Variants in HIVEP2 observed in about 807,000 individuals in gnomAD.
HIVEP2 encodes the protein transcription factor HIVEP2.
HIVEP2 carries 14 observed loss-of-function variants against 180.7 expected under a neutral mutation model. That is an observed-to-expected ratio of 0.08 (90% CI 0.05 to 0.12). The LOEUF (loss-of-function observed/expected upper bound fraction) is 0.12, where lower values mean the gene tolerates loss of function less well. Among genes scored for constraint, HIVEP2 ranks in the 10% least tolerant of loss-of-function variants. The pLI is 1.00. For synonymous variants in HIVEP2, 1,184 were observed against 1,136.4 expected, an observed-to-expected ratio of 1.04 and a Z score of -0.84; for missense variants, 2,579 against 3,008.5, an observed-to-expected ratio of 0.86 and a Z score of 3.34.
chr6:142,944,973 G>C (rs73588434), intron 1 of HIVEP2, 126 bp downstream of exon 1: 31 of 151,418 alleles, frequency 2.0e-4, no homozygotes, highest in African/African-American at 7.5e-4. Flanking sequence ...GGTAAAGGGA[G>C]TCACTGAAAT....
chr6:142,828,055 C>T (rs1302971065), intron 2 of HIVEP2, among the ~76,000 whole-genome samples: 1 of 152,150 alleles, frequency 6.6e-6, no homozygotes, highest in Non-Finnish European at 1.5e-5. Context: ...TCTTAAATTG[C>T]CAAATCCATT....
chr6:142,889,110 C>T (rs577209641), intron 1 of HIVEP2, among the ~76,000 whole-genome samples: 1 of 152,184 alleles, frequency 6.6e-6, no homozygotes, highest in Non-Finnish European at 1.5e-5. Flanking sequence ...CTCCAGCTCT[C>T]AGCAGAGTAC....
chr6:142,785,689 A>C (rs1373013769), intron 2 of HIVEP2, among the ~76,000 whole-genome samples: 1 of 152,194 alleles, frequency 6.6e-6, no homozygotes, highest in Non-Finnish European at 1.5e-5. Context: ...CTTACTTTCT[A>C]AGATGATGGC....
chr6:142,901,061 C>A (rs977470237), intron 1 of HIVEP2, among the ~76,000 whole-genome samples: 8 of 152,154 alleles, frequency 5.3e-5, no homozygotes, highest in African/African-American at 1.9e-4. Flanking sequence ...TCGTATTCTG[C>A]GTGAACTCTA....
intron 2 of HIVEP2, among the ~76,000 whole-genome samples, chr6:142,791,873 G>A (rs1776145909): frequency 1.3e-5 from 2 of 152,272 alleles, no homozygotes; most frequent in South Asian, 2.1e-4. Flanking sequence ...GAAAACATAT[G>A]AACAACGAGC....
chr6:142,753,428 C>A lies in HIVEP2; in HGVS notation c.7020G>T (p.Thr2340=), dbSNP rs778206851. The part of the protein sequence containing the change: ...TKAIASLRIA[T]EEAALLGPDQ... ...CTGGCCCGAGCAGAGCTGCCTCTTC[C>A]GTGGCAATCCGGAGAGAGGCAATGG... Residue 2340 remains threonine, a synonymous_variant, in exon 10 of 10, where the codon ACG becomes ACT. Transcript: ENST00000367603. 1.9e-6 allele frequency: 3 copies of A among 1,613,846 alleles called. No individual in the cohort carries two copies. The highest frequency in any genetic ancestry group is 3.3e-5 in the Admixed American group (2 of 60,006).
chr6:142,818,723 A>G (rs1359607128), intron 2 of HIVEP2, among the ~76,000 whole-genome samples: 2,974 of 106,784 alleles, frequency 0.028, 67 homozygotes, highest in Non-Finnish European at 0.035. Context: ...AAGAAAGAAA[A>G]GAAAGAAAGA....
At chr6:142,899,754 C>T (rs1259579665) in intron 1 of HIVEP2, among the ~76,000 whole-genome samples, 1 of 152,162 alleles carries the variant, frequency 6.6e-6, no homozygotes, top group Non-Finnish European at 1.5e-5. Flanking sequence ...TCCTCCTCTC[C>T]CAGGCCTCTC....
intron 6 of HIVEP2, among the ~76,000 whole-genome samples, chr6:142,765,726 G>A (rs1162499521): frequency 2.0e-5 from 3 of 152,160 alleles, no homozygotes; most frequent in Non-Finnish European, 4.4e-5. Context: ...GGATATCTGA[G>A]GTCATCTTGC....
chr6:142,793,631 T>TC (rs1491278127), intron 2 of HIVEP2, among the ~76,000 whole-genome samples: 6 of 28,382 alleles, frequency 2.1e-4, no homozygotes, highest in Non-Finnish European at 2.7e-4. Context: ...TCTCTTTCTT[T>TC]CTTTCTTTCT....
At chr6:142,765,073 G>T in intron 6 of HIVEP2, 99 bp from the exon 7 acceptor site, 2 of 1,097,428 alleles carry the variant, frequency 1.8e-6, no homozygotes, top group South Asian at 1.8e-5. Flanking sequence ...GTTTTATGAG[G>T]GTCTTTTGCA....
At chr6:142,809,492 G>C (rs1034659914) in intron 2 of HIVEP2, among the ~76,000 whole-genome samples, 5 of 152,138 alleles carry the variant, frequency 3.3e-5, no homozygotes, top group African/African-American at 1.2e-4. Flanking sequence ...CATTATTCCA[G>C]AACAGTATTT....
intron 1 of HIVEP2, among the ~76,000 whole-genome samples, chr6:142,854,584 G>C (rs751939513): frequency 6.6e-6 from 1 of 152,126 alleles, no homozygotes; most frequent in African/African-American, 2.4e-5. Flanking sequence ...TTTAATTGAA[G>C]ATGTCCAATC....
intron 1 of HIVEP2, among the ~76,000 whole-genome samples, chr6:142,931,003 CT>C (rs1358894570): frequency 6.6e-6 from 1 of 152,104 alleles, no homozygotes; most frequent in Admixed American, 6.5e-5. Flanking sequence ...GAAACAATAA[CT>C]TCTATTTTGG....
At chr6:142,847,424 G>GA (rs71815898) in intron 1 of HIVEP2, among the ~76,000 whole-genome samples, 30 of 148,246 alleles carry the variant, frequency 2.0e-4, no homozygotes, top group East Asian at 3.9e-4. Context: ...TGAAATGTTA[G>GA]AAAAAAAAAA....
At chr6:142,917,262 T>C (rs566329217) in intron 1 of HIVEP2, among the ~76,000 whole-genome samples, 1 of 152,330 alleles carries the variant, frequency 6.6e-6, no homozygotes, top group African/African-American at 2.4e-5. Context: ...ATCAACCTAC[T>C]TGATATGAAA....
chr6:142,800,541 T>C (rs1311382697), intron 2 of HIVEP2, among the ~76,000 whole-genome samples: 7 of 152,164 alleles, frequency 4.6e-5, no homozygotes, highest in Admixed American at 3.3e-4. Flanking sequence ...AAGAATACAT[T>C]TTCTGCTTAG....
At chr6:142,834,129 G>A (rs920669390) in intron 2 of HIVEP2, among the ~76,000 whole-genome samples, 4 of 152,100 alleles carry the variant, frequency 2.6e-5, no homozygotes, top group Non-Finnish European at 5.9e-5. Context: ...CCAGCTAAAA[G>A]GTATCCAAAT....
In HIVEP2 at chr6:142,835,443, T is replaced by G. The variant is rs897990898; in HGVS notation, c.-528+1492A>C. Among the ~76,000 whole-genome samples, 5 of 152,200 alleles carry G rather than the reference T, an allele frequency of 3.3e-5. 1 individual carries two copies. Among genetic ancestry groups the G allele is most frequent in the African/African-American group, 1.2e-4 (5 of 41,454 alleles). On this transcript the variant is annotated intron_variant, in intron 2 of 9. Coordinates refer to ENST00000367603, the MANE Select transcript of HIVEP2 (RefSeq NM_006734.4). ...TTGGAAATAACTGTAAAAGCCAAAC[T>G]TGGGAGTAGATGGAAAATTAAATGT...
Sources: gnomAD v4.1 joint callset for allele counts (sites outside exome capture counted in the v4.1 genomes callset) on GRCh38, gnomAD v4.1.1 for gene constraint, MANE v1.5 for transcripts, NCBI Gene and HGNC (gene_info 2026-07-23, HGNC 2026-07-21) for gene names.